RGL1: variants seen among roughly 807,000 people sequenced by gnomAD.
RGL1 encodes the protein ral guanine nucleotide dissociation stimulator like 1, also known as ral guanine nucleotide dissociation stimulator-like 1.
A neutral mutation model predicts 95.2 loss-of-function variants in RGL1; 24 were observed. That is an observed-to-expected ratio of 0.25 (90% CI 0.18 to 0.35). The LOEUF is 0.35. Ranked by LOEUF, RGL1 falls within the 10% of genes least tolerant of loss-of-function variation. The pLI is 1.00. For synonymous variants in RGL1, 329 were observed against 344.9 expected, an observed-to-expected ratio of 0.95 and a Z score of 0.51; for missense variants, 715 against 936.3, an observed-to-expected ratio of 0.76 and a Z score of 3.08.
chr1:183,776,793 G>A (rs1396022348), intron 2 of RGL1, among the ~76,000 whole-genome samples: 1 of 152,216 alleles, frequency 6.6e-6, no homozygotes, highest in African/African-American at 2.4e-5. Flanking sequence ...GAAAGGCCAT[G>A]AAGCTTTGTA....
chr1:183,659,222 A>C (rs1030167393), intron 1 of RGL1, among the ~76,000 whole-genome samples: 9 of 152,370 alleles, frequency 5.9e-5, no homozygotes, highest in Non-Finnish European at 1.2e-4. Context: ...ACTTTGACGA[A>C]TTGAGAGAAG....
chr1:183,794,376 G>C (rs529563959), intron 2 of RGL1, among the ~76,000 whole-genome samples: 1 of 152,252 alleles, frequency 6.6e-6, no homozygotes, highest in East Asian at 1.9e-4. Context: ...AACACAGTAA[G>C]GTGACTATAG....
chr1:183,896,382 T>C (rs934609141), intron 9 of RGL1, among the ~76,000 whole-genome samples: 1 of 152,224 alleles, frequency 6.6e-6, no homozygotes, highest in African/African-American at 2.4e-5. Context: ...TGTGAAAAAC[T>C]ATGAATGGGA....
chr1:183,891,505 A>G (rs867458381), intron 8 of RGL1, among the ~76,000 whole-genome samples: 2 of 152,144 alleles, frequency 1.3e-5, no homozygotes, highest in Non-Finnish European at 2.9e-5. Flanking sequence ...GAGAGATGCA[A>G]TTGGAACTCA....
chr1:183,824,688 G>A (rs1662730552), intron 2 of RGL1, among the ~76,000 whole-genome samples: 1 of 152,164 alleles, frequency 6.6e-6, no homozygotes, highest in Non-Finnish European at 1.5e-5. Context: ...CTAAGTATAT[G>A]TATAGCTTTA....
At chr1:183,896,989 G>C (rs1487536071) in intron 9 of RGL1, among the ~76,000 whole-genome samples, 1 of 152,174 alleles carries the variant, frequency 6.6e-6, no homozygotes, top group African/African-American at 2.4e-5. Flanking sequence ...AAAACTTCCG[G>C]TGCAAAAGTT....
At chr1:183,843,974 C>T (rs761005137) in intron 2 of RGL1, among the ~76,000 whole-genome samples, 4 of 152,106 alleles carry the variant, frequency 2.6e-5, no homozygotes, top group African/African-American at 9.7e-5. Context: ...ACTACAGGCA[C>T]GCACATTACA....
chr1:183,756,884 G>A (rs1346770934), intron 2 of RGL1, among the ~76,000 whole-genome samples: 1 of 152,066 alleles, frequency 6.6e-6, no homozygotes, highest in Non-Finnish European at 1.5e-5. Context: ...ATGATTGACT[G>A]ATGAATTATT....
chr1:183,760,672 C>T (rs910493878), intron 2 of RGL1, among the ~76,000 whole-genome samples: 1 of 150,846 alleles, frequency 6.6e-6, no homozygotes, highest in African/African-American at 2.4e-5. Context: ...TGAACCTCAG[C>T]AATCCTCACT....
At chr1:183,666,187 TAG>T (rs955118068) in intron 1 of RGL1, among the ~76,000 whole-genome samples, 4 of 152,034 alleles carry the variant, frequency 2.6e-5, no homozygotes, top group Non-Finnish European at 5.9e-5. Context: ...GTATTTTTAG[TAG>T]AGACAGGGTT....
chr1:183,816,187 T>C (rs772562993), intron 2 of RGL1, among the ~76,000 whole-genome samples: 26 of 152,204 alleles, frequency 1.7e-4, no homozygotes, highest in Non-Finnish European at 3.4e-4. Context: ...CTAAAGTAAT[T>C]TGTTGGTATT....
At chr1:183,801,179 T>G (rs11577789), upstream of RGL1, among the ~76,000 whole-genome samples, 2,415 of 126,174 alleles carry the variant, frequency 0.019, 26 homozygotes, top group Middle Eastern at 0.035. Context: ...GTGTGTGTGT[T>G]TAATAATGGC....
At chr1:183,864,052 C>T (rs1665678436) in intron 3 of RGL1, among the ~76,000 whole-genome samples, 1 of 152,172 alleles carries the variant, frequency 6.6e-6, no homozygotes, top group Admixed American at 6.5e-5. Flanking sequence ...CCATCCAAAC[C>T]TGCACCTCAG....
intron 1 of RGL1, among the ~76,000 whole-genome samples, chr1:183,711,626 G>A (rs1363666437): frequency 1.3e-5 from 2 of 152,190 alleles, no homozygotes; most frequent in Non-Finnish European, 2.9e-5. Flanking sequence ...AAGCCTTGGA[G>A]GGGAATTCAT....
Position 183,794,894 on chromosome 1 carries a change from G to C in RGL1, c.133-11481G>C, listed in dbSNP as rs192992221. Among the ~76,000 whole-genome samples the C allele has an allele frequency of 4.6e-3, 707 of 152,272 alleles. 4 individuals carry two copies. Among genetic ancestry groups the C allele is most frequent in the Non-Finnish European group, 6.5e-3 (442 of 68,010 alleles). The stretch of plus-strand genomic sequence containing the variant: ...TTAGTCTGCCCTGCTCTCTTTATCT[G>C]TACTTGCTGATGTGTGGCTTTGTAA... On this transcript the variant is annotated intron_variant, in intron 2 of 18. Transcript: ENST00000304685.
At chr1:183,897,716 C>T (rs907508215) in intron 9 of RGL1, 92 bp from the exon 10 acceptor site, 3 of 880,738 alleles carry the variant, frequency 3.4e-6, no homozygotes, top group Non-Finnish European at 5.6e-6. Context: ...GAGAGTTATG[C>T]AGGGTTGTGT....
At chr1:183,808,008 A>G (rs983375052) in intron 2 of RGL1, among the ~76,000 whole-genome samples, 4 of 152,158 alleles carry the variant, frequency 2.6e-5, no homozygotes, top group African/African-American at 9.7e-5. Flanking sequence ...GTTGTCTTCA[A>G]AAGGGTCATT....
intron 3 of RGL1, among the ~76,000 whole-genome samples, chr1:183,848,986 A>G (rs1414044602): frequency 1.9e-4 from 29 of 152,212 alleles, no homozygotes; most frequent in Admixed American, 1.7e-3. Context: ...TGTCATATAT[A>G]TGATATGTTT....
At chr1:183,871,813 A>G (rs1421682704) in intron 4 of RGL1, among the ~76,000 whole-genome samples, 1 of 152,232 alleles carries the variant, frequency 6.6e-6, no homozygotes, top group African/African-American at 2.4e-5. Flanking sequence ...CCACATGCGG[A>G]GTACTTGTAA....
Sources: allele counts gnomAD v4.1 joint callset (sites outside exome capture counted in the v4.1 genomes callset), GRCh38; gene constraint gnomAD v4.1.1; transcripts MANE v1.5; gene names NCBI Gene and HGNC (gene_info 2026-07-23, HGNC 2026-07-21).